Variants in PALM2AKAP2 observed in about 807,000 individuals in gnomAD.
The protein encoded by PALM2AKAP2 is PALM2 and AKAP2 fusion.
In PALM2AKAP2, 37 loss-of-function variants were observed where a neutral mutation model predicts 71.5. The observed-to-expected ratio is 0.52, with a 90% CI of 0.40 to 0.68. PALM2AKAP2 has a LOEUF of 0.68. Among genes scored for constraint, PALM2AKAP2 ranks in the 30% least tolerant of loss-of-function variants. The pLI, the probability that PALM2AKAP2 is intolerant of heterozygous loss-of-function variation, is 0.00. For missense variants in PALM2AKAP2, 1,224 were observed against 1,191.8 expected, an observed-to-expected ratio of 1.03 and a Z score of -0.40; for synonymous variants, 468 against 478.8, an observed-to-expected ratio of 0.98 and a Z score of 0.29.
intron 1 of PALM2AKAP2, among the ~76,000 whole-genome samples, chr9:109,729,320 A>G (rs1828520588): frequency 6.6e-6 from 1 of 152,172 alleles, no homozygotes; most frequent in African/African-American, 2.4e-5. Flanking sequence ...ATGAATACAC[A>G]ATTTTCTAAC....
At chr9:109,954,662 A>G (rs868081570) in intron 6 of PALM2AKAP2, among the ~76,000 whole-genome samples, 183 of 90,964 alleles carry the variant, frequency 2.0e-3, no homozygotes, top group Middle Eastern at 9.1e-3. Flanking sequence ...GTATAATAAA[A>G]AAAAAAAAAA....
intron 1 of PALM2AKAP2, among the ~76,000 whole-genome samples, chr9:109,801,812 G>A (rs1279268232): frequency 6.6e-6 from 1 of 152,166 alleles, no homozygotes; most frequent in East Asian, 1.9e-4. Context: ...TTGACCTACA[G>A]TGGTACTTGG....
At chr9:110,029,598 C>G (rs78125453) in intron 7 of PALM2AKAP2, among the ~76,000 whole-genome samples, 223 of 152,278 alleles carry the variant, frequency 1.5e-3, no homozygotes, top group African/African-American at 5.2e-3. Context: ...TATGTCAGAG[C>G]CTGTCTGCAG....
chr9:110,028,065 G>C (rs566582497), intron 7 of PALM2AKAP2, among the ~76,000 whole-genome samples: 139 of 152,314 alleles, frequency 9.1e-4, no homozygotes, highest in African/African-American at 3.2e-3. Context: ...GGATCTCAGA[G>C]GGGGTTTGGC....
rs535015732 is a variant in PALM2AKAP2, at chr9:109,710,151, C to T, written c.5+69285C>T. 9.5e-4 allele frequency among the ~76,000 whole-genome samples: 145 copies of T among 152,314 alleles called. 1 individual carries two copies. The highest frequency in any genetic ancestry group is 3.4e-3 in the Middle Eastern group (1 of 294). On this transcript the variant is annotated intron_variant, in intron 1 of 6. Coordinates refer to the PALM2AKAP2 transcript ENST00000374531. Reference sequence around the variant, plus strand: ...CAGGGAACAAATGCTTCCTCAGAGCCTATAGAAGGACCCAATCGTGCCAAC... The same window carrying T: ...CAGGGAACAAATGCTTCCTCAGAGCTTATAGAAGGACCCAATCGTGCCAAC...
intron 1 of PALM2AKAP2, among the ~76,000 whole-genome samples, chr9:109,831,660 T>C (rs1025392689): frequency 2.6e-5 from 4 of 152,154 alleles, no homozygotes; most frequent in Admixed American, 2.6e-4. Context: ...AAGTCTAAAG[T>C]CACCCAAGCC....
At chr9:109,913,346 T>G (rs1010421175) in intron 3 of PALM2AKAP2, among the ~76,000 whole-genome samples, 40 of 152,322 alleles carry the variant, frequency 2.6e-4, no homozygotes, top group African/African-American at 9.4e-4. Flanking sequence ...TGGCAAAGGC[T>G]CTGGCAGGAA....
intron 1 of PALM2AKAP2, among the ~76,000 whole-genome samples, chr9:110,098,832 C>T (rs995939203): frequency 2.6e-5 from 4 of 152,208 alleles, no homozygotes; most frequent in Non-Finnish European, 4.4e-5. Context: ...TTTCCACGCA[C>T]CTCCACATTT....
intron 7 of PALM2AKAP2, among the ~76,000 whole-genome samples, chr9:110,042,191 C>T (rs1394769582): frequency 1.3e-5 from 2 of 152,172 alleles, no homozygotes; most frequent in African/African-American, 2.4e-5. Flanking sequence ...CTTTGGGAGG[C>T]CGAAGCTTGC....
intron 1 of PALM2AKAP2, among the ~76,000 whole-genome samples, chr9:110,097,190 A>G (rs1174592548): frequency 6.6e-6 from 1 of 151,118 alleles, no homozygotes; most frequent in Non-Finnish European, 1.5e-5. Flanking sequence ...TCTGTTTAAC[A>G]AAGCACATCT....
At chr9:109,648,720 T>C (rs1318357925) in intron 1 of PALM2AKAP2, among the ~76,000 whole-genome samples, 1 of 152,160 alleles carries the variant, frequency 6.6e-6, no homozygotes, top group Non-Finnish European at 1.5e-5. Context: ...GGCTCAGTGT[T>C]AGTCTTGGAT....
intron 1 of PALM2AKAP2, among the ~76,000 whole-genome samples, chr9:110,127,481 TC>T (rs1277985795): frequency 6.6e-6 from 1 of 151,996 alleles, no homozygotes. Context: ...GAAGCTCTGC[TC>T]GGGGGATGGA....
intron 6 of PALM2AKAP2, among the ~76,000 whole-genome samples, chr9:110,001,872 GAGAC>G (rs201116047): frequency 0.018 from 2,808 of 152,244 alleles, 96 homozygotes; most frequent in African/African-American, 0.064. Context: ...TTTGTATCCT[GAGAC>G]TTTGCTGAAA....
At chr9:109,750,989 T>C (rs4111120) in intron 1 of PALM2AKAP2, among the ~76,000 whole-genome samples, 129,842 of 152,160 alleles carry the variant, frequency 0.85, 55,820 homozygotes, top group African/African-American at 0.96. Context: ...ACCCTTGCAT[T>C]CCACCCTCAC....
intron 3 of PALM2AKAP2, among the ~76,000 whole-genome samples, chr9:109,905,407 C>T (rs1830425315): frequency 6.6e-6 from 1 of 152,176 alleles, no homozygotes; most frequent in Non-Finnish European, 1.5e-5. Flanking sequence ...AGAAAAGGGC[C>T]CCAAAGGCCC....
intron 7 of PALM2AKAP2, chr9:110,025,150 T>A (rs1833153196): frequency 7.3e-7 from 1 of 1,363,398 alleles, no homozygotes; most frequent in African/African-American, 1.4e-5. Context: ...ACCAACAGCA[T>A]GCTGGGTAAC....
intron 1 of PALM2AKAP2, among the ~76,000 whole-genome samples, chr9:109,673,054 T>C (rs981570436): frequency 6.6e-6 from 1 of 152,058 alleles, no homozygotes; most frequent in Non-Finnish European, 1.5e-5. Flanking sequence ...ACTCCTGGAT[T>C]TGTTGATCTT....
chr9:109,828,931 G>A (rs1828225787), intron 1 of PALM2AKAP2, among the ~76,000 whole-genome samples: 2 of 152,260 alleles, frequency 1.3e-5, no homozygotes, highest in South Asian at 2.1e-4. Context: ...GCCAAAAGGC[G>A]ATGATGTGAT....
At chr9:109,896,205 A>G (rs1022733318) in intron 3 of PALM2AKAP2, among the ~76,000 whole-genome samples, 4 of 152,006 alleles carry the variant, frequency 2.6e-5, no homozygotes, top group East Asian at 3.9e-4. Flanking sequence ...AAGAAAAAGA[A>G]AAAGAAACCA....
Sources: allele counts gnomAD v4.1 joint callset (sites outside exome capture counted in the v4.1 genomes callset), GRCh38; gene constraint gnomAD v4.1.1; transcripts MANE v1.5; gene names NCBI Gene and HGNC (gene_info 2026-07-23, HGNC 2026-07-21).